The following CACNA1C variants were observed in gnomAD, a reference collection of about 807,000 sequenced individuals.
CACNA1C encodes the protein voltage-dependent L-type calcium channel subunit alpha-1C.
Under a neutral mutation model 229.0 loss-of-function variants are expected in CACNA1C, and 30 were observed. The observed-to-expected ratio is 0.13, with a 90% CI of 0.10 to 0.18. The LOEUF is 0.18. Ranked by LOEUF, CACNA1C falls within the 10% of genes least tolerant of loss-of-function variation. CACNA1C has a pLI of 1.00. For synonymous variants in CACNA1C, 1,114 were observed against 1,132.5 expected (o/e 0.98, Z 0.33); for missense variants, 1,658 against 2,845.0 (o/e 0.58, Z 9.49).
rs2097636538 is a variant in CACNA1C, at chr12:2,688,368, AG to A, written c.5785-78del. ...TAGCTGGACACAGCAGCTGCAAAGC[AG>A]TGCTTGCTCAGAAGCAGGGGCCTGC... On this transcript the variant is annotated intron_variant, in intron 45 of 46. Transcript: ENST00000399655. The A allele has an allele frequency of 3.0e-6, 4 of 1,322,388 alleles. No homozygotes were observed. The East Asian group carries it at 9.2e-5, about 30-fold the overall frequency. 81.9% of individuals were successfully genotyped at this position (1,322,388 alleles called of 1,614,324 possible). A position where few individuals can be genotyped will look rare whatever the true frequency, so the allele number is the denominator to read the frequency against.
chr12:2,352,563 C>G (rs1325468526), intron 3 of CACNA1C, among the ~76,000 whole-genome samples: 2 of 152,000 alleles, frequency 1.3e-5, no homozygotes, highest in South Asian at 2.1e-4. Context: ...CTGGTTACCC[C>G]CAAGGATGCT....
chr12:2,279,971 G>A (rs1351922544), intron 3 of CACNA1C, among the ~76,000 whole-genome samples: 5 of 152,212 alleles, frequency 3.3e-5, no homozygotes, highest in Non-Finnish European at 5.9e-5. Flanking sequence ...CTGAGGGACA[G>A]CTGCATATCT....
chr12:2,482,017 T>G (rs538707144), intron 5 of CACNA1C, among the ~76,000 whole-genome samples: 50 of 152,332 alleles, frequency 3.3e-4, no homozygotes, highest in African/African-American at 1.1e-3. Context: ...GAACTTGAGT[T>G]GGAGGAGCTG....
intron 3 of CACNA1C, among the ~76,000 whole-genome samples, chr12:2,347,033 T>G (rs964153822): frequency 1.3e-5 from 2 of 152,194 alleles, no homozygotes; most frequent in East Asian, 3.9e-4. Flanking sequence ...AGGGTGCTCC[T>G]CTTTGTGTAG....
At chr12:2,583,472 G>A (rs1235373584) in intron 15 of CACNA1C, among the ~76,000 whole-genome samples, 1 of 152,212 alleles carries the variant, frequency 6.6e-6, no homozygotes, top group African/African-American at 2.4e-5. Context: ...CCCGGCTGGG[G>A]CAGGTTTCCA....
intron 3 of CACNA1C, among the ~76,000 whole-genome samples, chr12:2,327,634 A>G (rs573939413): frequency 6.6e-6 from 1 of 152,324 alleles, no homozygotes; most frequent in South Asian, 2.1e-4. Flanking sequence ...AACTCGGAAT[A>G]CGTGAACCTG....
chr12:2,450,553 CA>C (rs796416420), intron 4 of CACNA1C, among the ~76,000 whole-genome samples: 49 of 39,014 alleles, frequency 1.3e-3, no homozygotes, highest in South Asian at 8.0e-3. Context: ...GACTCCATCT[CA>C]AAAAAAAAAA....
intron 1 of CACNA1C, among the ~76,000 whole-genome samples, chr12:1,975,286 A>G (rs1445202129): frequency 6.6e-6 from 1 of 152,156 alleles, no homozygotes; most frequent in Non-Finnish European, 1.5e-5. Flanking sequence ...AGGTAATTCT[A>G]ATACAAGTTC....
intron 3 of CACNA1C, among the ~76,000 whole-genome samples, chr12:2,310,352 A>AAAATATAT (rs201363709): frequency 5.5e-4 from 77 of 139,832 alleles, no homozygotes; most frequent in African/African-American, 1.7e-3. Flanking sequence ...TAAAAAAAAA[A>AAAATATAT]ATATATATAT....
chr12:2,088,862 C>T (rs891854863), intron 1 of CACNA1C, among the ~76,000 whole-genome samples: 1 of 152,184 alleles, frequency 6.6e-6, no homozygotes, highest in Non-Finnish European at 1.5e-5. Context: ...CTATATGTCA[C>T]TGCAGCGTGG....
At chr12:2,401,939 C>T (rs1446039931) in intron 3 of CACNA1C, among the ~76,000 whole-genome samples, 2 of 152,306 alleles carry the variant, frequency 1.3e-5, no homozygotes, top group East Asian at 3.9e-4. Context: ...AAGGAAGGCT[C>T]TAGATATGGC....
intron 3 of CACNA1C, among the ~76,000 whole-genome samples, chr12:2,342,166 A>G (rs959109148): frequency 2.6e-5 from 4 of 152,134 alleles, no homozygotes; most frequent in Non-Finnish European, 4.4e-5. Context: ...GAGCGGTGTC[A>G]CCCGACAGAT....
At chr12:2,473,491 A>G (rs1333438935) in intron 5 of CACNA1C, among the ~76,000 whole-genome samples, 1 of 152,230 alleles carries the variant, frequency 6.6e-6, no homozygotes, top group Non-Finnish European at 1.5e-5. Flanking sequence ...TTTACTTTAT[A>G]TGTCACACAT....
intron 3 of CACNA1C, among the ~76,000 whole-genome samples, chr12:2,123,103 G>T (rs992664216): frequency 6.6e-6 from 1 of 152,204 alleles, no homozygotes; most frequent in Non-Finnish European, 1.5e-5. Flanking sequence ...TGGGCCGGGC[G>T]CAGTGGCCCA....
intron 3 of CACNA1C, among the ~76,000 whole-genome samples, chr12:2,361,089 G>C (rs1287070496): frequency 6.6e-6 from 1 of 151,854 alleles, no homozygotes; most frequent in Non-Finnish European, 1.5e-5. Context: ...GGGGAGACTA[G>C]GAAGGTTGGG....
chr12:2,295,142 C>T (rs1467630663), intron 3 of CACNA1C, among the ~76,000 whole-genome samples: 1 of 152,164 alleles, frequency 6.6e-6, no homozygotes, highest in East Asian at 1.9e-4. Flanking sequence ...TCCTAAACCA[C>T]CCCGTGCCCT....
intron 32 of CACNA1C, among the ~76,000 whole-genome samples, chr12:2,652,933 C>A (rs563881919): frequency 1.3e-5 from 2 of 152,264 alleles, no homozygotes; most frequent in Admixed American, 1.3e-4. Flanking sequence ...AGGCACAGAC[C>A]GGGTGACTGC....
intron 1 of CACNA1C, among the ~76,000 whole-genome samples, chr12:2,023,627 G>A (rs914951504): frequency 6.6e-6 from 1 of 152,132 alleles, no homozygotes; most frequent in Non-Finnish European, 1.5e-5. Flanking sequence ...GCAGAGGTGC[G>A]CTGTTAGTAA....
At chr12:2,074,541 T>A (rs2062486620) in intron 1 of CACNA1C, among the ~76,000 whole-genome samples, 1 of 152,094 alleles carries the variant, frequency 6.6e-6, no homozygotes, top group Non-Finnish European at 1.5e-5. Context: ...TTGTTGCGAC[T>A]CCTCTGGGGT....
Sources: gnomAD v4.1 joint callset for allele counts (sites outside exome capture counted in the v4.1 genomes callset) on GRCh38, gnomAD v4.1.1 for gene constraint, MANE v1.5 for transcripts, NCBI Gene and HGNC (gene_info 2026-07-23, HGNC 2026-07-21) for gene names.